Variants in DCC observed in about 807,000 individuals in gnomAD.
DCC encodes the protein netrin receptor DCC.
Under a neutral mutation model 172.5 loss-of-function variants are expected in DCC, and 58 were observed. That is an observed-to-expected ratio of 0.34 (90% CI 0.27 to 0.42). The LOEUF is 0.42. Ranked by LOEUF, DCC falls within the 10% of genes least tolerant of loss-of-function variation. The probability of loss-of-function intolerance (pLI) is 1.00; values close to 1 mark genes in which losing one functional copy is unlikely to be tolerated. For synonymous variants in DCC, 709 were observed against 644.5 expected (o/e 1.10, Z -1.52); for missense variants, 1,740 against 1,791.0 (o/e 0.97, Z 0.51).
chr18:53,262,078 G>A (rs1177333770), intron 12 of DCC, among the ~76,000 whole-genome samples: 2 of 152,168 alleles, frequency 1.3e-5, no homozygotes, highest in African/African-American at 2.4e-5. Context: ...TCTATAGTAA[G>A]TTTCTGTTCT....
At chr18:53,360,933 G>T (rs539706371) in intron 15 of DCC, among the ~76,000 whole-genome samples, 2 of 152,022 alleles carry the variant, frequency 1.3e-5, no homozygotes, top group African/African-American at 4.8e-5. Context: ...CCTCTAAGAC[G>T]GTATGTGCAT....
intron 22 of DCC, among the ~76,000 whole-genome samples, chr18:53,449,803 A>G (rs2045384647): frequency 1.3e-5 from 2 of 152,118 alleles, no homozygotes; most frequent in Non-Finnish European, 2.9e-5. Flanking sequence ...AGCGGTGTTC[A>G]GTGTATTCAT....
chr18:52,455,107 A>C (rs1208640931), intron 1 of DCC, among the ~76,000 whole-genome samples: 1 of 152,186 alleles, frequency 6.6e-6, no homozygotes, highest in Non-Finnish European at 1.5e-5. Flanking sequence ...TGCTGCCATA[A>C]TTCTTATGTT....
chr18:53,123,367 G>T (rs973425322), intron 7 of DCC, among the ~76,000 whole-genome samples: 1 of 151,994 alleles, frequency 6.6e-6, no homozygotes, highest in Non-Finnish European at 1.5e-5. Flanking sequence ...AAGAGGCAAG[G>T]CTTTCAGAAA....
At chr18:53,257,109 T>TGGGCTGAG (rs2056527751) in intron 12 of DCC, among the ~76,000 whole-genome samples, 1 of 152,222 alleles carries the variant, frequency 6.6e-6, no homozygotes, top group African/African-American at 2.4e-5. Flanking sequence ...AAGGAGATTT[T>TGGGCTGAG]GGGCTGAGAC....
intron 7 of DCC, among the ~76,000 whole-genome samples, chr18:53,074,356 A>C (rs1368032244): frequency 6.6e-6 from 1 of 152,200 alleles, no homozygotes; most frequent in East Asian, 1.9e-4. Flanking sequence ...ATTCCTCTTT[A>C]AAGTTCCATC....
Position 52,591,438 on chromosome 18 carries a change from T to G in DCC, c.92-160616T>G, listed in dbSNP as rs564370193. On this transcript the variant is annotated intron_variant, in intron 1 of 28. Coordinates refer to ENST00000442544, the MANE Select transcript of DCC (RefSeq NM_005215.4). ...CAAAACATAATTCTTATGGGTTGCATGAAAGTCAATTATAACATATATTTC... is the reference window on the plus strand; with the variant it reads ...CAAAACATAATTCTTATGGGTTGCAGGAAAGTCAATTATAACATATATTTC... 1.5e-4 allele frequency among the ~76,000 whole-genome samples: 23 copies of G among 152,310 alleles called. 1 individual carries two copies. In the South Asian group the frequency reaches 4.4e-3, roughly 29 times the overall value.
intron 1 of DCC, among the ~76,000 whole-genome samples, chr18:52,611,599 C>G (rs2034278880): frequency 6.6e-6 from 1 of 152,078 alleles, no homozygotes; most frequent in Non-Finnish European, 1.5e-5. Flanking sequence ...TTGGGTGTCT[C>G]CTATTAGCTT....
intron 26 of DCC, among the ~76,000 whole-genome samples, chr18:53,496,799 A>G (rs1211332705): frequency 2.0e-5 from 3 of 152,246 alleles, no homozygotes; most frequent in African/African-American, 7.2e-5. Context: ...TACCTGATGG[A>G]GCTGAAAAAC....
At chr18:52,386,117 A>G (rs1010093423) in intron 1 of DCC, among the ~76,000 whole-genome samples, 4 of 152,060 alleles carry the variant, frequency 2.6e-5, no homozygotes, top group African/African-American at 7.3e-5. Flanking sequence ...CATTAATGTT[A>G]TTTTCCCATT....
intron 1 of DCC, among the ~76,000 whole-genome samples, chr18:52,735,472 G>A (rs1347234544): frequency 6.6e-6 from 1 of 152,098 alleles, no homozygotes; most frequent in Non-Finnish European, 1.5e-5. Context: ...ACATGACCAC[G>A]AGGTGAAGTC....
At chr18:53,462,013 C>T (rs2045565265) in intron 24 of DCC, among the ~76,000 whole-genome samples, 1 of 152,132 alleles carries the variant, frequency 6.6e-6, no homozygotes, top group Admixed American at 6.5e-5. Flanking sequence ...CTCCACTTTT[C>T]CTGAGCATGT....
intron 5 of DCC, among the ~76,000 whole-genome samples, chr18:52,975,183 C>A (rs552117995): frequency 6.6e-6 from 1 of 152,276 alleles, no homozygotes; most frequent in East Asian, 1.9e-4. Context: ...TTTTACAGTT[C>A]TGCAGGCTAG....
intron 1 of DCC, among the ~76,000 whole-genome samples, chr18:52,698,730 C>T (rs2036052569): frequency 6.6e-6 from 1 of 150,780 alleles, no homozygotes; most frequent in Non-Finnish European, 1.5e-5. Flanking sequence ...TCCCGAGTAG[C>T]TGGGATTACA....
chr18:53,099,913 TAA>T (rs1233699090), intron 7 of DCC, among the ~76,000 whole-genome samples: 1 of 150,828 alleles, frequency 6.6e-6, no homozygotes, highest in Non-Finnish European at 1.5e-5. Context: ...TTCACTCACT[TAA>T]GAGACTTTTC....
At chr18:52,671,493 T>TC (rs546354226) in intron 1 of DCC, among the ~76,000 whole-genome samples, 81 of 151,824 alleles carry the variant, frequency 5.3e-4, no homozygotes, top group Non-Finnish European at 1.1e-3. Flanking sequence ...TTTTCTTTTT[T>TC]CCCCGTCACA....
intron 2 of DCC, among the ~76,000 whole-genome samples, chr18:52,765,199 A>T (rs1293353572): frequency 2.5e-5 from 3 of 120,116 alleles, no homozygotes. Context: ...ACTCCTGGCT[A>T]ATTTTTTTTT....
At chr18:52,756,315 G>T (rs187329286) in intron 2 of DCC, among the ~76,000 whole-genome samples, 1 of 152,284 alleles carries the variant, frequency 6.6e-6, no homozygotes, top group Non-Finnish European at 1.5e-5. Context: ...AGCAAAGTAT[G>T]TCATGTTAAT....
At chr18:53,451,970 A>G (rs2045420566) in intron 23 of DCC, among the ~76,000 whole-genome samples, 1 of 152,224 alleles carries the variant, frequency 6.6e-6, no homozygotes, top group South Asian at 2.1e-4. Context: ...GAAGCTGGTG[A>G]TAGCTGGTGT....
Sources: gnomAD v4.1 joint callset for allele counts (sites outside exome capture counted in the v4.1 genomes callset) on GRCh38, gnomAD v4.1.1 for gene constraint, MANE v1.5 for transcripts, NCBI Gene and HGNC (gene_info 2026-07-23, HGNC 2026-07-21) for gene names.